The following RNF169 variants were observed in gnomAD, a reference collection of about 807,000 sequenced individuals.
The protein encoded by RNF169 is ring finger protein 169.
In RNF169, 24 loss-of-function variants were observed where a neutral mutation model predicts 53.9. The observed-to-expected ratio is 0.45, with a 90% CI of 0.32 to 0.63. The LOEUF is 0.63. Among genes scored for constraint, RNF169 ranks in the 20% least tolerant of loss-of-function variants. RNF169 has a pLI of 0.04. For missense variants in RNF169, 883 were observed against 906.2 expected (o/e 0.97, Z 0.33); for synonymous variants, 396 against 363.5 (o/e 1.09, Z -1.02).
At position 74,836,237 on chromosome 11, in the gene RNF169, G is replaced by T; in HGVS notation, c.1634G>T (p.Arg545Met). 6.2e-7 allele frequency: 1 copy of T among 1,614,168 alleles called. No individual in the cohort carries two copies. Among genetic ancestry groups the T allele is most frequent in the Non-Finnish European group, 8.5e-7 (1 of 1,180,024 alleles). ...GGAGGCAGTGGGACTTCTTTGGAGA[G>T]GGAGCAGTTTGAGGGGTTAGGGTCA... ...KGGGSGTSLEREQFEGLGSTP... is the reference protein window; with the variant it reads ...KGGGSGTSLEMEQFEGLGSTP... The change falls in exon 6 of 6, where the codon AGG (arginine) becomes ATG (methionine). Residue 545 changes from arginine to methionine, a missense_variant. Arg to Met is a moderately conservative substitution (Grantham distance 91). This residue lies in a region of RNF169 where 351 missense variants were observed against 337.3 expected (regional missense o/e 1.04). Transcript: ENST00000299563.
At chr11:74,794,316 G>C (rs1282772038) in intron 2 of RNF169, among the ~76,000 whole-genome samples, 1 of 152,212 alleles carries the variant, frequency 6.6e-6, no homozygotes, top group African/African-American at 2.4e-5. Context: ...GATGCACTTG[G>C]AGGTGTATAC....
Position 74,839,772 on chromosome 11 carries a change from T to C in RNF169, c.*3042T>C, listed in dbSNP as rs2135162174. 1 of 152,292 alleles carries C rather than the reference T, an allele frequency of 6.6e-6. No individual in the cohort carries two copies. Among genetic ancestry groups the C allele is most frequent in the East Asian group, 1.9e-4 (1 of 5,182 alleles). The allele number at this position is 152,292 out of a possible 1,614,324, so 9.4% of individuals were successfully genotyped here. ...ACTTTGAGAAAATGTTCTTGACCCA[T>C]TGATTGTATCTGCTGGAAGAAGTCA... On this transcript the variant is annotated 3_prime_UTR_variant, in exon 6 of 6. Coordinates refer to ENST00000299563, the MANE Select transcript of RNF169 (RefSeq NM_001098638.2).
intron 2 of RNF169, among the ~76,000 whole-genome samples, chr11:74,797,898 C>T (rs1468165372): frequency 1.3e-5 from 2 of 152,168 alleles, no homozygotes; most frequent in African/African-American, 4.8e-5. Context: ...TATTAGTTCC[C>T]CAAATTAATA....
chr11:74,784,843 C>T (rs1165529147), intron 1 of RNF169, among the ~76,000 whole-genome samples: 1 of 152,188 alleles, frequency 6.6e-6, no homozygotes, highest in Non-Finnish European at 1.5e-5. Context: ...TAAGGATAGA[C>T]ATCTTCTCCC....
chr11:74,835,629 C>T lies in RNF169; in HGVS notation c.1026C>T (p.Asp342=). Residue 342 remains aspartate (D), a synonymous_variant, in exon 6 of 6, where the codon GAC becomes GAT. Transcript: ENST00000299563. ...ACAACCGCTGCGTCTCGGCCCCTGA[C>T]TTAACCATCGAAAAGCGTCTACCCT... ...TQNNRCVSAP[D]LTIEKRLPFS... 6.2e-7 allele frequency: 1 copy of T among 1,614,214 alleles called. No homozygotes were observed. Among genetic ancestry groups the T allele is most frequent in the South Asian group, 1.1e-5 (1 of 91,086 alleles).
intron 1 of RNF169, among the ~76,000 whole-genome samples, chr11:74,778,766 T>G (rs2035374305): frequency 6.6e-6 from 1 of 152,248 alleles, no homozygotes; most frequent in African/African-American, 2.4e-5. Flanking sequence ...ATGGCCCATG[T>G]TCCACTGGAC....
intron 2 of RNF169, among the ~76,000 whole-genome samples, chr11:74,808,699 C>T (rs1475189338): frequency 6.6e-6 from 1 of 152,230 alleles, no homozygotes; most frequent in African/African-American, 2.4e-5. Flanking sequence ...AAAACCTGTT[C>T]TCTTTTGAAC....
intron 4 of RNF169, among the ~76,000 whole-genome samples, chr11:74,820,023 C>G: frequency 6.6e-6 from 1 of 152,124 alleles, no homozygotes; most frequent in East Asian, 1.9e-4. Context: ...GACTTACTGA[C>G]AGAGTCAGAG....
intron 1 of RNF169, 79 bp downstream of exon 1, chr11:74,749,461 G>A (rs567402569): frequency 3.5e-6 from 4 of 1,130,688 alleles, no homozygotes; most frequent in South Asian, 8.0e-5. Context: ...GGGGTGGAGA[G>A]TCCCGGGCCC....
At chr11:74,810,421 T>G in intron 3 of RNF169, 91 bp downstream of exon 3, 1 of 1,170,024 alleles carries the variant, frequency 8.5e-7, no homozygotes, top group Admixed American at 1.9e-5. Context: ...GTTGGTAAAT[T>G]GTGAGACCAG....
At chr11:74,778,049 T>C (rs1178661084) in intron 1 of RNF169, among the ~76,000 whole-genome samples, 1 of 152,206 alleles carries the variant, frequency 6.6e-6, no homozygotes, top group Non-Finnish European at 1.5e-5. Flanking sequence ...CTGTTCTCTT[T>C]CTCCTGTGGA....
At position 74,817,639 on chromosome 11, in the gene RNF169, G is replaced by A. The variant is rs772382026; in HGVS notation, c.767G>A (p.Arg256Gln). 3.1e-5 allele frequency: 50 copies of A among 1,613,964 alleles called. No individual in the cohort carries two copies. In the South Asian group the frequency reaches 5.5e-4, roughly 18 times the overall value. ...LSDSENEEPS[R>Q]GQMTQTHRSA... ...GATTCAGAGAATGAAGAACCTTCTC[G>A]AGGCCAGATGACACAGACACATCGC... Residue 256 changes from arginine (R) to glutamine (Q), a missense_variant, in exon 4 of 6, where the codon CGA (arginine) becomes CAA (glutamine). By Grantham distance (43) the Arg-to-Gln change is conservative. Coordinates refer to ENST00000299563, the MANE Select transcript of RNF169 (RefSeq NM_001098638.2).
rs775859238 is a variant in RNF169 at position 74,836,700 on chromosome 11, A to G, written c.2097A>G (p.Leu699=). The part of the protein sequence containing the change: ...RRKGSVDQYL[L]RSSNMAGAK ...AAGGAAGTGTGGATCAGTATCTCCTACGGTCCAGCAACATGGCCGGGGCCA... is the reference window on the plus strand; with the variant it reads ...AAGGAAGTGTGGATCAGTATCTCCTGCGGTCCAGCAACATGGCCGGGGCCA... The change falls in exon 6 of 6, where the codon CTA becomes CTG. Residue 699 remains leucine (L), a synonymous_variant. Coordinates refer to ENST00000299563, the MANE Select transcript of RNF169 (RefSeq NM_001098638.2). The G allele has an allele frequency of 2.6e-5, 42 of 1,611,924 alleles. No individual in the cohort carries two copies. Among genetic ancestry groups the G allele is most frequent in the Non-Finnish European group, 3.5e-5 (41 of 1,179,748 alleles).
At chr11:74,830,690 C>T (rs2036165257) in intron 4 of RNF169, 1 of 152,108 alleles carries the variant, frequency 6.6e-6, no homozygotes, top group Admixed American at 6.6e-5. Context: ...AAGCATTACC[C>T]TGATACCAAA....
chr11:74,769,609 C>A (rs964227691), intron 1 of RNF169, among the ~76,000 whole-genome samples: 4 of 152,140 alleles, frequency 2.6e-5, no homozygotes, highest in Non-Finnish European at 5.9e-5. Context: ...TTAGTTTCTA[C>A]AGCTGTTAGA....
At chr11:74,781,303 A>G (rs2135065332) in intron 1 of RNF169, among the ~76,000 whole-genome samples, 1 of 152,322 alleles carries the variant, frequency 6.6e-6, no homozygotes. Flanking sequence ...ATCAGAGAAG[A>G]TGGTGGATCC....
chr11:74,767,775 C>T (rs1005587350), intron 1 of RNF169, among the ~76,000 whole-genome samples: 8 of 151,810 alleles, frequency 5.3e-5, no homozygotes, highest in African/African-American at 1.9e-4. Context: ...GACGGGGTTT[C>T]ACCGTGTTAG....
chr11:74,832,090 C>T (rs2036187549), intron 4 of RNF169: 1 of 152,186 alleles, frequency 6.6e-6, no homozygotes, highest in African/African-American at 2.4e-5. Context: ...TAACTGATCT[C>T]TTACAGCACT....
At position 74,810,447 on chromosome 11, in the gene RNF169, G is replaced by T; in HGVS notation, c.723+117G>T. On this transcript the variant is annotated intron_variant, in intron 3 of 5. Transcript: ENST00000299563. ...GTGAGACCAGTAACAGTCAGTGACT[G>T]TGCAGCTTAAGAGTAGTGAAGAACT... is the stretch of plus-strand genomic sequence containing the variant. 4 of 940,492 alleles carry T rather than the reference G, an allele frequency of 4.3e-6. No individual in the cohort carries two copies. In the South Asian group the frequency reaches 5.6e-5, roughly 13 times the overall value. 58.3% of individuals were successfully genotyped at this position (940,492 alleles called of 1,614,324 possible).
Sources: gnomAD v4.1 joint callset for allele counts (sites outside exome capture counted in the v4.1 genomes callset) on GRCh38, gnomAD v4.1.1 for gene constraint, gnomAD v4.1.1 regional missense constraint, MANE v1.5 for transcripts, NCBI Gene and HGNC (gene_info 2026-07-23, HGNC 2026-07-21) for gene names.